The following MALRD1 variants were observed in gnomAD, a reference collection of about 807,000 sequenced individuals.
MALRD1 encodes the protein MAM and LDL-receptor class A domain-containing protein 1.
MALRD1 carries 247 observed loss-of-function variants against 242.1 expected under a neutral mutation model. The ratio of observed to expected loss-of-function variants is 1.02; its 90% CI spans 0.92 to 1.13. The LOEUF (loss-of-function observed/expected upper bound fraction) is 1.13, where lower values mean the gene tolerates loss of function less well. MALRD1 is among the 50% of genes most tolerant of loss of function. MALRD1 has a pLI of 0.00. For missense variants in MALRD1, 2,989 were observed against 2,533.1 expected (o/e 1.18, Z -3.86); for synonymous variants, 995 against 866.6 (o/e 1.15, Z -2.60).
At chr10:19,349,123 G>T (rs1044994993) in intron 25 of MALRD1, among the ~76,000 whole-genome samples, 10 of 152,024 alleles carry the variant, frequency 6.6e-5, no homozygotes, top group Admixed American at 6.6e-4. Context: ...AACCATCCCA[G>T]CTAATTTCTG....
At chr10:19,396,087 C>T (rs1012056989) in intron 28 of MALRD1, among the ~76,000 whole-genome samples, 10 of 151,818 alleles carry the variant, frequency 6.6e-5, no homozygotes, top group East Asian at 1.9e-4. Flanking sequence ...CTCTTGTGTC[C>T]AGTCCAAATA....
chr10:19,235,460 T>C (rs1323799399), intron 18 of MALRD1, among the ~76,000 whole-genome samples: 1 of 123,996 alleles, frequency 8.1e-6, no homozygotes, highest in African/African-American at 3.2e-5. Flanking sequence ...CATTTTTTAA[T>C]CGGGTTATTT....
intron 24 of MALRD1, among the ~76,000 whole-genome samples, chr10:19,334,121 T>G (rs1843504191): frequency 8.0e-6 from 1 of 124,502 alleles, no homozygotes; most frequent in South Asian, 2.3e-4. Context: ...GTTGGTAGGT[T>G]TTTTTTTTTT....
intron 26 of MALRD1, among the ~76,000 whole-genome samples, chr10:19,383,474 A>T (rs1018094233): frequency 1.3e-5 from 2 of 152,054 alleles, no homozygotes; most frequent in Non-Finnish European, 2.9e-5. Context: ...GGGTCATTCC[A>T]TGTCTTTGCT....
chr10:19,553,531 T>C (rs1339696705), intron 32 of MALRD1, among the ~76,000 whole-genome samples: 2 of 152,282 alleles, frequency 1.3e-5, no homozygotes, highest in East Asian at 3.9e-4. Flanking sequence ...CTCTGATTTC[T>C]AGTGTTTAAA....
intron 26 of MALRD1, among the ~76,000 whole-genome samples, chr10:19,367,593 T>G (rs1016096032): frequency 6.6e-6 from 1 of 152,150 alleles, no homozygotes; most frequent in Non-Finnish European, 1.5e-5. Context: ...CATATATCTC[T>G]TTGATGTACT....
intron 28 of MALRD1, among the ~76,000 whole-genome samples, chr10:19,431,847 G>A (rs1834142913): frequency 1.3e-5 from 2 of 152,160 alleles, no homozygotes; most frequent in Non-Finnish European, 1.5e-5. Context: ...GAACGACAAT[G>A]TGCCACGGGA....
intron 26 of MALRD1, among the ~76,000 whole-genome samples, chr10:19,355,370 T>C (rs906200199): frequency 6.6e-6 from 1 of 151,788 alleles, no homozygotes; most frequent in African/African-American, 2.4e-5. Context: ...AAGAATTTAA[T>C]ATAAGAATAT....
intron 36 of MALRD1, among the ~76,000 whole-genome samples, chr10:19,678,241 T>A (rs1217805335): frequency 6.6e-6 from 1 of 152,194 alleles, no homozygotes; most frequent in East Asian, 1.9e-4. Context: ...TAGCAGTGAA[T>A]TTATAAATTA....
chr10:19,545,883 G>A (rs1835185828), intron 32 of MALRD1, among the ~76,000 whole-genome samples: 1 of 152,046 alleles, frequency 6.6e-6, no homozygotes, highest in African/African-American at 2.4e-5. Flanking sequence ...TCTTTAATCT[G>A]GGTCAGTTTT....
At chr10:19,540,530 T>C (rs980049485) in intron 32 of MALRD1, among the ~76,000 whole-genome samples, 1 of 152,210 alleles carries the variant, frequency 6.6e-6, no homozygotes, top group Admixed American at 6.5e-5. Flanking sequence ...TTGATACTTA[T>C]ATTCACTTAA....
intron 10 of MALRD1, among the ~76,000 whole-genome samples, chr10:19,144,821 T>C (rs984535054): frequency 2.9e-4 from 38 of 133,012 alleles, no homozygotes; most frequent in African/African-American, 8.4e-4. Flanking sequence ...GTATTTACTA[T>C]GTAGAGTGTT....
At chr10:19,619,229 T>C (rs1400406070) in intron 36 of MALRD1, among the ~76,000 whole-genome samples, 2 of 152,054 alleles carry the variant, frequency 1.3e-5, no homozygotes, top group African/African-American at 4.8e-5. Context: ...GAGGATGCCT[T>C]TTCATCCTTT....
intron 24 of MALRD1, among the ~76,000 whole-genome samples, chr10:19,346,741 C>T (rs1406587046): frequency 1.3e-5 from 2 of 152,116 alleles, no homozygotes; most frequent in African/African-American, 4.8e-5. Context: ...CCCTCTACCT[C>T]CTGGGTTCAA....
At chr10:19,734,025 G>T in intron 39 of MALRD1, 132 bp from the exon 40 acceptor site, 1 of 649,740 alleles carries the variant, frequency 1.5e-6, no homozygotes, top group South Asian at 2.0e-5. Context: ...TGGAAGAAGA[G>T]TCAGGGATGT....
chr10:19,437,915 A>C (rs1226637084), intron 28 of MALRD1, among the ~76,000 whole-genome samples: 2 of 152,036 alleles, frequency 1.3e-5, no homozygotes, highest in African/African-American at 4.8e-5. Context: ...TTACATCCTC[A>C]AATTGCCCCA....
At chr10:19,163,679 T>A (rs1834543562) in intron 12 of MALRD1, among the ~76,000 whole-genome samples, 1 of 151,936 alleles carries the variant, frequency 6.6e-6, no homozygotes, top group East Asian at 1.9e-4. Flanking sequence ...AAACAATGAG[T>A]TGAAAACAAT....
intron 24 of MALRD1, among the ~76,000 whole-genome samples, chr10:19,335,511 A>G (rs1428524920): frequency 6.6e-6 from 1 of 152,144 alleles, no homozygotes; most frequent in Non-Finnish European, 1.5e-5. Flanking sequence ...TTTATATGCT[A>G]TGAACTTTGA....
chr10:19,403,537 G>A (rs975065864), intron 28 of MALRD1, among the ~76,000 whole-genome samples: 7 of 152,096 alleles, frequency 4.6e-5, no homozygotes, highest in Non-Finnish European at 8.8e-5. Context: ...AGACTTATGA[G>A]CTGAGGGATC....
Sources: gnomAD v4.1 joint callset for allele counts (sites outside exome capture counted in the v4.1 genomes callset) on GRCh38, gnomAD v4.1.1 for gene constraint, MANE v1.5 for transcripts, NCBI Gene and HGNC (gene_info 2026-07-23, HGNC 2026-07-21) for gene names.